SCAF4: variants seen among roughly 807,000 people sequenced by gnomAD.
SCAF4 encodes SR-related CTD associated factor 4.
SCAF4 carries 25 observed loss-of-function variants against 129.8 expected under a neutral mutation model. The observed-to-expected ratio is 0.19, with a 90% confidence interval of 0.14 to 0.27. SCAF4 has a LOEUF of 0.27. Ranked by LOEUF, SCAF4 falls within the 10% of genes least tolerant of loss-of-function variation. SCAF4 has a pLI of 1.00. For missense variants in SCAF4, 1,246 were observed against 1,457.1 expected (o/e 0.86, Z 2.36); for synonymous variants, 551 against 497.7 (o/e 1.11, Z -1.43).
At position 31,731,997 on chromosome 21, in the gene SCAF4, G is replaced by T. The variant is rs1050825586; in HGVS notation, c.-305C>A. The T allele has an allele frequency of 3.0e-5, 14 of 472,704 alleles. No individual in the cohort carries two copies. Among genetic ancestry groups the T allele is most frequent in the African/African-American group, 6.2e-5 (3 of 48,702 alleles). The allele number at this position is 472,704 out of a possible 1,614,324, so 29.3% of individuals were successfully genotyped here. ...GCTGCGCTCTGCGTCTCGCTGACAC[G>T]GCCCCCCGCGCCCTCACGCACTGGC... On this transcript the variant is annotated 5_prime_UTR_variant, in exon 1 of 20. Coordinates refer to ENST00000286835, the MANE Select transcript of SCAF4 (RefSeq NM_020706.2).
intron 1 of SCAF4, among the ~76,000 whole-genome samples, chr21:31,723,523 T>C (rs550915585): frequency 6.6e-6 from 1 of 152,244 alleles, no homozygotes; most frequent in South Asian, 2.1e-4. Context: ...TATTCATTAT[T>C]GTGACATATC....
intron 1 of SCAF4, among the ~76,000 whole-genome samples, chr21:31,727,417 C>CA (rs1012953306): frequency 3.3e-5 from 5 of 151,896 alleles, no homozygotes; most frequent in African/African-American, 9.6e-5. Context: ...GCAGATGATG[C>CA]AAAAAAAGTG....
rs61592268 is a variant in SCAF4, at chr21:31,688,114, C to CAAAAAAAAAA, written c.2043+183_2043+192dup. ...TGGGCAACAAAGAGAGACTCTGTCTCAAAAAAAAAAAAAAAAAAAAAAAAA... is the reference window on the plus strand; with the variant it reads ...TGGGCAACAAAGAGAGACTCTGTCTCAAAAAAAAAAAAAAAAAAAAAAAAAAAAAAAAAAA... On this transcript the variant is annotated intron_variant, in intron 16 of 19. Coordinates refer to ENST00000286835, the MANE Select transcript of SCAF4 (RefSeq NM_020706.2). Among the ~76,000 whole-genome samples the CAAAAAAAAAA allele has an allele frequency of 3.1e-3, 34 of 10,902 alleles. 9 individuals carry two copies. The East Asian group carries it at 0.051, about 16-fold the overall frequency. The allele number at this position is 10,902 out of a possible 152,430, so 7.2% of individuals were successfully genotyped here. A position where few individuals can be genotyped will look rare whatever the true frequency, so the allele number is the denominator to read the frequency against.
intron 19 of SCAF4, among the ~76,000 whole-genome samples, chr21:31,675,884 G>A (rs143827052): frequency 9.2e-5 from 14 of 152,234 alleles, no homozygotes; most frequent in African/African-American, 1.9e-4. Flanking sequence ...AAAGGGCTAC[G>A]GGGGAGGTGG....
At chr21:31,697,361 A>G (rs1306789035) in intron 7 of SCAF4, among the ~76,000 whole-genome samples, 1 of 152,238 alleles carries the variant, frequency 6.6e-6, no homozygotes, top group Non-Finnish European at 1.5e-5. Context: ...CATATCTAGA[A>G]GAACAATTTT....
Position 31,694,816 on chromosome 21 carries a change from C to T in SCAF4, c.1233G>A (p.Gln411=). Residue 411 remains glutamine (Q), a synonymous_variant, in exon 10 of 20, where the codon CAG becomes CAA. Transcript: ENST00000286835. ...CTATCTGAGAATAAAGTTTTACCTG[C>T]TGATGCGGCTTCTGTGTAAGTGGTT... is the stretch of plus-strand genomic sequence containing the variant. ...QNEPLTQKPH[Q]QEMEVEQPCI... is the part of the protein sequence containing the mutation. The T allele has an allele frequency of 1.2e-6, 2 of 1,614,006 alleles. No individual in the cohort carries two copies. Among genetic ancestry groups the T allele is most frequent in the Non-Finnish European group, 1.7e-6 (2 of 1,179,904 alleles).
intron 1 of SCAF4, among the ~76,000 whole-genome samples, chr21:31,725,156 C>A (rs1354452654): frequency 2.0e-5 from 3 of 152,198 alleles, no homozygotes; most frequent in African/African-American, 7.2e-5. Flanking sequence ...CAATAATCGA[C>A]CTGGTCCTCT....
chr21:31,719,716 C>T (rs1209698024), intron 1 of SCAF4, among the ~76,000 whole-genome samples: 1 of 152,096 alleles, frequency 6.6e-6, no homozygotes, highest in Admixed American at 6.6e-5. Flanking sequence ...GTTGGTCAGG[C>T]TGGTCTCGAA....
Position 31,694,883 on chromosome 21 carries a change from G to T in SCAF4, c.1166C>A (p.Pro389Gln), listed in dbSNP as rs953534277. Reference protein sequence around the residue: ...MAQPVIPPTPPVQQPFQASFQ... With the variant: ...MAQPVIPPTPQVQQPFQASFQ... ...AGAAGCTTGGAAAGGCTGCTGCACT[G>T]GTGGAGTTGGAGGAATCACAGGCTG... The change falls in exon 10 of 20, where the codon CCA (proline) becomes CAA (glutamine). Residue 389 changes from proline (P) to glutamine (Q), a missense_variant. By Grantham distance (76) the Pro-to-Gln change is moderately conservative. Around this residue, in one of 6 missense-constraint regions of SCAF4, gnomAD observed 236 missense variants for 210.0 expected, o/e 1.12. Transcript: ENST00000286835. 6.2e-7 allele frequency: 1 copy of T among 1,614,124 alleles called. No individual in the cohort carries two copies. The highest frequency in any genetic ancestry group is 8.5e-7 in the Non-Finnish European group (1 of 1,179,958).
chr21:31,717,906 C>T (rs182387192), intron 1 of SCAF4, among the ~76,000 whole-genome samples: 4,762 of 43,980 alleles, frequency 0.11, 125 homozygotes, highest in Non-Finnish European at 0.14. Flanking sequence ...CACATATATA[C>T]ACACACACAC....
chr21:31,711,557 T>A, intron 1 of SCAF4, among the ~76,000 whole-genome samples: 1 of 152,234 alleles, frequency 6.6e-6, no homozygotes, highest in East Asian at 1.9e-4. Flanking sequence ...GGCTCAACAA[T>A]CTGCTCAGTT....
At chr21:31,711,057 A>C (rs1049823202) in intron 1 of SCAF4, among the ~76,000 whole-genome samples, 3 of 152,102 alleles carry the variant, frequency 2.0e-5, no homozygotes, top group African/African-American at 7.2e-5. Context: ...TGATCCTCCC[A>C]TCTCAGCTTC....
In SCAF4 at chr21:31,703,933, G is replaced by A. The variant is rs1037630974; in HGVS notation, c.160-7C>T. 2 of 1,520,480 alleles carry A rather than the reference G, an allele frequency of 1.3e-6. No individual in the cohort carries two copies. Among genetic ancestry groups the A allele is most frequent in the African/African-American group, 1.4e-5 (1 of 73,838 alleles). 94.2% of individuals were successfully genotyped at this position (1,520,480 alleles called of 1,614,324 possible). A position where few individuals can be genotyped will look rare whatever the true frequency, so the allele number is the denominator to read the frequency against. On this transcript the variant is annotated splice_polypyrimidine_tract_variant and splice_region_variant and intron_variant, in intron 3 of 19. Coordinates refer to ENST00000286835, the MANE Select transcript of SCAF4 (RefSeq NM_020706.2). ...CCTTGTATTCTGGTTTACACTGCAA[G>A]GATAAAGATGTAAGATCAGTACAGA...
intron 15 of SCAF4, 111 bp downstream of exon 15, chr21:31,690,685 TC>T (rs754827876): frequency 9.2e-6 from 8 of 865,938 alleles, no homozygotes; most frequent in Non-Finnish European, 1.4e-5. Flanking sequence ...ACAGGAGGGA[TC>T]CTAAAAAATC....
At chr21:31,696,503 A>G (rs938925730) in intron 8 of SCAF4, 66 bp downstream of exon 8, 6 of 1,368,472 alleles carry the variant, frequency 4.4e-6, no homozygotes, top group Non-Finnish European at 3.9e-6. Flanking sequence ...GCTAAATGTT[A>G]CTTAGGTTAT....
intron 14 of SCAF4, among the ~76,000 whole-genome samples, chr21:31,691,372 A>G (rs967829755): frequency 6.6e-6 from 1 of 152,220 alleles, no homozygotes; most frequent in African/African-American, 2.4e-5. Context: ...GGGTGTTAAG[A>G]CACTGAAGAA....
intron 19 of SCAF4, among the ~76,000 whole-genome samples, chr21:31,675,531 A>T (rs1288775433): frequency 6.6e-6 from 1 of 152,200 alleles, no homozygotes; most frequent in Non-Finnish European, 1.5e-5. Context: ...CTCTGCCTTA[A>T]CTGAGCGGAT....
chr21:31,684,338 C>T (rs1767883019), intron 19 of SCAF4: 1 of 152,442 alleles, frequency 6.6e-6, no homozygotes, highest in African/African-American at 2.4e-5. Flanking sequence ...AGATGGTCTA[C>T]TGTAACAAGC....
chr21:31,685,558 T>C lies in SCAF4; in HGVS notation c.2209+10A>G. ...GGCTCTAAAGTATGTTCACAGACAA[T>C]TTAGTGTACCTGGTGGTAAATGCAT... On this transcript the variant is annotated intron_variant, in intron 17 of 19. Transcript: ENST00000286835. 1 of 1,614,004 alleles carries C rather than the reference T, an allele frequency of 6.2e-7. No homozygotes were observed. The highest frequency in any genetic ancestry group is 1.7e-5 in the Admixed American group (1 of 60,018).
Sources: allele counts gnomAD v4.1 joint callset (sites outside exome capture counted in the v4.1 genomes callset), GRCh38; gene constraint gnomAD v4.1.1; regional missense constraint gnomAD v4.1.1; transcripts MANE v1.5; gene names NCBI Gene and HGNC (gene_info 2026-07-23, HGNC 2026-07-21).